CHD7: variants seen among roughly 807,000 people sequenced by gnomAD.
CHD7 encodes the protein ATP-dependent chromatin remodeler CHD7.
A neutral mutation model predicts 307.3 loss-of-function variants in CHD7; 24 were observed. The ratio of observed to expected loss-of-function variants is 0.08; its 90% CI spans 0.06 to 0.11. The LOEUF (loss-of-function observed/expected upper bound fraction) is 0.11. CHD7 is among the 10% of genes least tolerant of loss of function. The probability of loss-of-function intolerance (pLI) is 1.00; values close to 1 mark genes in which losing one functional copy is unlikely to be tolerated. For missense variants in CHD7, 3,106 were observed against 3,727.1 expected (o/e 0.83, Z 4.34); for synonymous variants, 1,363 against 1,349.9 (o/e 1.01, Z -0.21).
chr8:60,713,962 A>G (rs187080355), intron 1 of CHD7, among the ~76,000 whole-genome samples: 242 of 152,312 alleles, frequency 1.6e-3, no homozygotes, highest in African/African-American at 5.4e-3. Flanking sequence ...CTTTGTAGAA[A>G]GATAGCAGAC....
In CHD7 at chr8:60,838,063, T is replaced by A; in HGVS notation, c.4354-13T>A. On this transcript the variant is annotated splice_polypyrimidine_tract_variant and intron_variant, in intron 18 of 37. Coordinates refer to ENST00000423902, the MANE Select transcript of CHD7 (RefSeq NM_017780.4). ...AAATTATTTTGAGTATTTTAAATAT[T>A]TCTCTAAAACAGGTACAACAGCTTT... 1.4e-6 allele frequency: 2 copies of A among 1,463,692 alleles called. No homozygotes were observed. Among genetic ancestry groups the A allele is most frequent in the Non-Finnish European group, 1.8e-6 (2 of 1,103,766 alleles). The allele number at this position is 1,463,692 out of a possible 1,614,324, so 90.7% of individuals were successfully genotyped here.
rs573761471 is a variant in CHD7, at chr8:60,696,445, A to G, written c.-175+17363A>G. Among the ~76,000 whole-genome samples, 49 of 152,290 alleles carry G rather than the reference A, an allele frequency of 3.2e-4. 1 individual carries two copies. Among genetic ancestry groups the G allele is most frequent in the African/African-American group, 1.1e-3 (46 of 41,564 alleles). ...TTACTAACTCCATGACCACAGGCCA[A>G]TTACTTAATTGATCTAAGACGCAGT... On this transcript the variant is annotated intron_variant, in intron 1 of 37. Coordinates refer to ENST00000423902, the MANE Select transcript of CHD7 (RefSeq NM_017780.4).
intron 15 of CHD7, among the ~76,000 whole-genome samples, chr8:60,833,049 T>C (rs1804592978): frequency 6.6e-6 from 1 of 152,208 alleles, no homozygotes; most frequent in Non-Finnish European, 1.5e-5. Context: ...ACGCAGACAT[T>C]GTATTGTGTA....
chr8:60,770,167 T>C (rs1248688484), intron 2 of CHD7, among the ~76,000 whole-genome samples: 1 of 152,230 alleles, frequency 6.6e-6, no homozygotes, highest in Non-Finnish European at 1.5e-5. Flanking sequence ...AAATAATTGG[T>C]GGGACAGTTT....
intron 1 of CHD7, among the ~76,000 whole-genome samples, chr8:60,711,908 A>G (rs1807298813): frequency 6.6e-6 from 1 of 152,244 alleles, no homozygotes; most frequent in Non-Finnish European, 1.5e-5. Context: ...TGTGCACATT[A>G]ATCTGAAAAC....
At chr8:60,792,217 T>C (rs1251393313) in intron 3 of CHD7, among the ~76,000 whole-genome samples, 1 of 152,246 alleles carries the variant, frequency 6.6e-6, no homozygotes, top group Non-Finnish European at 1.5e-5. Context: ...CTAGATTACC[T>C]TTGTTTGTTA....
At chr8:60,781,819 A>G (rs1375636631) in intron 3 of CHD7, among the ~76,000 whole-genome samples, 1 of 152,244 alleles carries the variant, frequency 6.6e-6, no homozygotes, top group Non-Finnish European at 1.5e-5. Context: ...TATTTCACTA[A>G]GCATTCCAGC....
At chr8:60,740,711 C>CT (rs1808954734) in intron 1 of CHD7, among the ~76,000 whole-genome samples, 1 of 152,206 alleles carries the variant, frequency 6.6e-6, no homozygotes, top group Middle Eastern at 3.2e-3. Flanking sequence ...CTGTAAATAT[C>CT]TAATTTGTAT....
chr8:60,724,357 A>T (rs1808066575), intron 1 of CHD7, among the ~76,000 whole-genome samples: 1 of 152,222 alleles, frequency 6.6e-6, no homozygotes, highest in African/African-American at 2.4e-5. Flanking sequence ...TTGAGGTTAA[A>T]CTGGGAGCAA....
At chr8:60,852,314 A>G (rs1023291689) in intron 29 of CHD7, 67 bp downstream of exon 29, 17 of 1,438,146 alleles carry the variant, frequency 1.2e-5, no homozygotes, top group South Asian at 1.1e-4. Flanking sequence ...CTGTAGACCC[A>G]CAAGAGACAG....
intron 1 of CHD7, among the ~76,000 whole-genome samples, chr8:60,739,822 T>C (rs1437700149): frequency 1.3e-5 from 2 of 152,234 alleles, no homozygotes; most frequent in Non-Finnish European, 2.9e-5. Flanking sequence ...CATTGTTCAT[T>C]CCCATGCTCT....
At position 60,865,660 on chromosome 8, in the gene CHD7, G is replaced by A; in HGVS notation, c.8721G>A (p.Met2907Ile). 1 of 1,608,656 alleles carries A rather than the reference G, an allele frequency of 6.2e-7. No individual in the cohort carries two copies. Among genetic ancestry groups the A allele is most frequent in the Non-Finnish European group, 8.5e-7 (1 of 1,176,030 alleles). ...TMAPGLFYPS[M>I]FLPPGLGGLT... ...CCCCGGGCCTCTTCTACCCATCCAT[G>A]TTTCTACCTCCAGGACTGGGGGGAT... is the stretch of plus-strand genomic sequence containing the variant. The change falls in exon 38 of 38, where the codon ATG becomes ATA. Residue 2907 changes from methionine (M) to isoleucine (I), a missense_variant. Coordinates refer to ENST00000423902, the MANE Select transcript of CHD7 (RefSeq NM_017780.4). This position sits in a 1 kb window ranked among gnomAD's most constrained non-coding sequence, Gnocchi z 4.3.
In CHD7 at chr8:60,820,001, G is replaced by A. The variant is rs766068671; in HGVS notation, c.2614-6G>A. 30 of 1,588,636 alleles carry A rather than the reference G, an allele frequency of 1.9e-5. No homozygotes were observed. Among genetic ancestry groups the A allele is most frequent in the Non-Finnish European group, 2.4e-5 (28 of 1,161,888 alleles). On this transcript the variant is annotated splice_polypyrimidine_tract_variant and splice_region_variant and intron_variant, in intron 8 of 37. Coordinates refer to ENST00000423902, the MANE Select transcript of CHD7 (RefSeq NM_017780.4). ...CCTTTAACTTTTTTTTTTCCCTTTG[G>A]TGTAGATTGAGGATGAGCTTTTTAA...
rs189920933 is a variant in CHD7, at chr8:60,798,993, T to C, written c.2239-1395T>C. Reference sequence around the variant, plus strand: ...CTCTCCCCATCTTTATAGCTATTAATAATCTGTTGTCTGTCTTTTCACATT... The same window carrying C: ...CTCTCCCCATCTTTATAGCTATTAACAATCTGTTGTCTGTCTTTTCACATT... On this transcript the variant is annotated intron_variant, in intron 4 of 37. Transcript: ENST00000423902. 7.2e-3 allele frequency among the ~76,000 whole-genome samples: 1,092 copies of C among 152,354 alleles called. 18 individuals are homozygous for C. Among genetic ancestry groups the C allele is most frequent in the South Asian group, 0.043 (206 of 4,826 alleles).
intron 13 of CHD7, chr8:60,824,360 C>G: frequency 2.8e-6 from 1 of 351,992 alleles, no homozygotes; most frequent in Non-Finnish European, 5.1e-6. Context: ...CCACATAATG[C>G]TAAAAGGAAA....
rs939219801 is a variant in CHD7, at chr8:60,790,767, A to T, written c.2097-4219A>T. ...ACATGATAGTTGGAGAAAGACACAC[A>T]TATAGTGCTTTGATTTTAATACATT... is the stretch of plus-strand genomic sequence containing the variant. On this transcript the variant is annotated intron_variant, in intron 3 of 37. Transcript: ENST00000423902. Among the ~76,000 whole-genome samples, 3 of 152,182 alleles carry T rather than the reference A, an allele frequency of 2.0e-5. No homozygotes were observed. In the East Asian group the frequency reaches 5.8e-4, roughly 29 times the overall value.
chr8:60,779,605 AG>A (rs1811107528), intron 2 of CHD7, among the ~76,000 whole-genome samples: 1 of 152,136 alleles, frequency 6.6e-6, no homozygotes, highest in Non-Finnish European at 1.5e-5. Flanking sequence ...AGTCAATATT[AG>A]GTGTATTGGA....
At chr8:60,837,088 A>G in intron 17 of CHD7, 76 bp downstream of exon 17, 5 of 1,172,278 alleles carry the variant, frequency 4.3e-6, no homozygotes, top group Non-Finnish European at 1.2e-6. Context: ...TACCAGTCAG[A>G]CCCATAAATT....
At chr8:60,756,974 G>T (rs1393797525) in intron 2 of CHD7, among the ~76,000 whole-genome samples, 4 of 152,156 alleles carry the variant, frequency 2.6e-5, no homozygotes, top group Non-Finnish European at 1.5e-5. Flanking sequence ...ACATCTTATT[G>T]CTGGAGAGAA....
Sources: allele counts gnomAD v4.1 joint callset (sites outside exome capture counted in the v4.1 genomes callset), GRCh38; gene constraint gnomAD v4.1.1; non-coding constraint Gnocchi (gnomAD v3.1); transcripts MANE v1.5; gene names NCBI Gene and HGNC (gene_info 2026-07-23, HGNC 2026-07-21).